The following DLG2 variants were observed in gnomAD, a reference collection of about 807,000 sequenced individuals.
The protein encoded by DLG2 is disks large homolog 2.
Under a neutral mutation model 132.5 loss-of-function variants are expected in DLG2, and 45 were observed. That is an observed-to-expected ratio of 0.34 (90% CI 0.27 to 0.44). The LOEUF (loss-of-function observed/expected upper bound fraction) is 0.44. DLG2 is among the 20% of genes least tolerant of loss of function. The pLI is 1.00. For missense variants in DLG2, 1,045 were observed against 1,196.9 expected (o/e 0.87, Z 1.87); for synonymous variants, 424 against 419.6 (o/e 1.01, Z -0.13).
intron 6 of DLG2, among the ~76,000 whole-genome samples, chr11:85,001,040 T>TA (rs1382763276): frequency 6.6e-6 from 1 of 152,104 alleles, no homozygotes; most frequent in African/African-American, 2.4e-5. Context: ...TTACCCTTAA[T>TA]ACAAGACAGC....
chr11:85,434,184 G>A (rs1335170686), intron 3 of DLG2, among the ~76,000 whole-genome samples: 1 of 152,114 alleles, frequency 6.6e-6, no homozygotes, highest in Non-Finnish European at 1.5e-5. Flanking sequence ...TGTTAAGAGG[G>A]AAATTTATAG....
intron 6 of DLG2, among the ~76,000 whole-genome samples, chr11:85,045,940 A>C (rs905746392): frequency 6.6e-6 from 1 of 152,072 alleles, no homozygotes; most frequent in Non-Finnish European, 1.5e-5. Flanking sequence ...ACTGAAAAAT[A>C]CGTCTCTAAA....
chr11:84,649,246 A>G (rs1407666100), intron 6 of DLG2, among the ~76,000 whole-genome samples: 1 of 152,192 alleles, frequency 6.6e-6, no homozygotes, highest in Non-Finnish European at 1.5e-5. Flanking sequence ...GATGAAAGGA[A>G]CATACGACTA....
At chr11:85,309,248 A>G (rs2080162039) in intron 3 of DLG2, among the ~76,000 whole-genome samples, 1 of 152,092 alleles carries the variant, frequency 6.6e-6, no homozygotes, top group South Asian at 2.1e-4. Flanking sequence ...AGACCTCCCA[A>G]CCAATCTAAG....
chr11:83,600,065 A>G (rs2058273965), intron 19 of DLG2, among the ~76,000 whole-genome samples: 1 of 152,200 alleles, frequency 6.6e-6, no homozygotes. Flanking sequence ...CTAATGTCCC[A>G]GGTTCTGGGC....
rs2075075762 is a variant in DLG2, at chr11:85,529,988, T to TTG, written c.40+68668_40+68669insCA. 3.7e-5 allele frequency among the ~76,000 whole-genome samples: 3 copies of TTG among 81,928 alleles called. 1 individual carries two copies. The South Asian group carries it at 1.6e-3, about 45-fold the overall frequency. The allele number at this position is 81,928 out of a possible 152,430, so 53.7% of individuals were successfully genotyped here. On this transcript the variant is annotated intron_variant, in intron 3 of 27. Coordinates refer to ENST00000376104, the MANE Select transcript of DLG2 (RefSeq NM_001142699.3). ...GGTAGATCTGCCTAGAGAGGGTTTGTTTTTTTTTTTTTTTTTTTGAGGTGG... is the reference window on the plus strand; with the variant it reads ...GGTAGATCTGCCTAGAGAGGGTTTGTTGTTTTTTTTTTTTTTTTTTGAGGTGG...
At chr11:84,316,690 G>C in intron 7 of DLG2, 3 of 988,090 alleles carry the variant, frequency 3.0e-6, no homozygotes, top group Non-Finnish European at 1.4e-6. Context: ...AAAATGACAG[G>C]TTTTTCTTGG....
intron 3 of DLG2, among the ~76,000 whole-genome samples, chr11:85,508,213 T>G (rs1326246433): frequency 2.6e-5 from 4 of 152,130 alleles, no homozygotes; most frequent in Non-Finnish European, 5.9e-5. Context: ...TTATGTCAAC[T>G]CGTCAAAGTC....
chr11:85,051,571 A>T (rs1052303362), intron 6 of DLG2, among the ~76,000 whole-genome samples: 1 of 152,186 alleles, frequency 6.6e-6, no homozygotes, highest in African/African-American at 2.4e-5. Flanking sequence ...CAGAGAAAAC[A>T]GATATTGAAA....
At chr11:85,406,020 G>A (rs1333778630) in intron 3 of DLG2, among the ~76,000 whole-genome samples, 1 of 151,878 alleles carries the variant, frequency 6.6e-6, no homozygotes. Context: ...TAAGTCAACA[G>A]TTATCATCTA....
At chr11:85,447,298 C>G (rs572983362) in intron 3 of DLG2, among the ~76,000 whole-genome samples, 1 of 152,194 alleles carries the variant, frequency 6.6e-6, no homozygotes, top group Admixed American at 6.5e-5. Flanking sequence ...TCCCCTGCCC[C>G]CTGCCCAAAC....
At chr11:84,443,263 T>C (rs2099022941) in intron 7 of DLG2, among the ~76,000 whole-genome samples, 1 of 152,234 alleles carries the variant, frequency 6.6e-6, no homozygotes, top group Admixed American at 6.5e-5. Flanking sequence ...TAAATGTTAA[T>C]ATTTTGTCAT....
At chr11:83,588,891 T>C (rs1178843225) in intron 19 of DLG2, among the ~76,000 whole-genome samples, 2 of 150,996 alleles carry the variant, frequency 1.3e-5, no homozygotes, top group African/African-American at 2.4e-5. Context: ...AGGGTATCAG[T>C]GATGGAAGAT....
intron 3 of DLG2, among the ~76,000 whole-genome samples, chr11:85,404,128 A>AATTAT: frequency 6.6e-6 from 1 of 152,030 alleles, no homozygotes; most frequent in East Asian, 1.9e-4. Context: ...ATGGATTAGA[A>AATTAT]GATAAGGGTA....
At chr11:83,782,990 G>A (rs1371858271) in intron 18 of DLG2, among the ~76,000 whole-genome samples, 2 of 152,180 alleles carry the variant, frequency 1.3e-5, no homozygotes, top group East Asian at 1.9e-4. Context: ...ACTTTGCATA[G>A]TGCTTAAATG....
At chr11:84,721,223 G>A (rs568417907) in intron 6 of DLG2, among the ~76,000 whole-genome samples, 2 of 152,336 alleles carry the variant, frequency 1.3e-5, no homozygotes, top group African/African-American at 4.8e-5. Flanking sequence ...CGGGGGCAGA[G>A]GGCCAGCAAA....
chr11:84,188,470 T>A (rs1477621668), intron 8 of DLG2, among the ~76,000 whole-genome samples: 1 of 152,132 alleles, frequency 6.6e-6, no homozygotes, highest in Admixed American at 6.6e-5. Flanking sequence ...TTAAGCACAT[T>A]GACCAAGTTC....
chr11:83,605,293 T>A (rs1046014416), intron 19 of DLG2, among the ~76,000 whole-genome samples: 2 of 152,220 alleles, frequency 1.3e-5, no homozygotes, highest in African/African-American at 4.8e-5. Flanking sequence ...ATTCAATCTT[T>A]AAATCAAATT....
At chr11:84,868,488 A>T (rs2084974600) in intron 6 of DLG2, among the ~76,000 whole-genome samples, 1 of 152,210 alleles carries the variant, frequency 6.6e-6, no homozygotes, top group Non-Finnish European at 1.5e-5. Context: ...TCTATTTCGT[A>T]ACCAGAGAAA....
Sources: gnomAD v4.1 joint callset for allele counts (sites outside exome capture counted in the v4.1 genomes callset) on GRCh38, gnomAD v4.1.1 for gene constraint, MANE v1.5 for transcripts, NCBI Gene and HGNC (gene_info 2026-07-23, HGNC 2026-07-21) for gene names.